FAM135B: variants seen among roughly 807,000 people sequenced by gnomAD.
The protein encoded by FAM135B is family with sequence similarity 135 member B, also known as protein FAM135B.
FAM135B carries 43 observed loss-of-function variants against 127.7 expected under a neutral mutation model. The observed-to-expected ratio is 0.34, with a 90% confidence interval of 0.26 to 0.43. The LOEUF (loss-of-function observed/expected upper bound fraction) is 0.43, where lower values mean the gene tolerates loss of function less well. Ranked by LOEUF, FAM135B falls within the 20% of genes least tolerant of loss-of-function variation. The probability of loss-of-function intolerance (pLI) is 1.00; values close to 1 mark genes in which losing one functional copy is unlikely to be tolerated. For missense variants in FAM135B, 1,558 were observed against 1,725.6 expected (o/e 0.90, Z 1.72); for synonymous variants, 670 against 665.1 (o/e 1.01, Z -0.11).
chr8:138,210,154 T>C (rs1271997973), intron 7 of FAM135B, among the ~76,000 whole-genome samples: 1 of 152,212 alleles, frequency 6.6e-6, no homozygotes, highest in Non-Finnish European at 1.5e-5. Context: ...CCTCTGGACA[T>C]TGTGACCATT....
At chr8:138,286,113 A>G (rs905012132) in intron 3 of FAM135B, among the ~76,000 whole-genome samples, 9 of 152,248 alleles carry the variant, frequency 5.9e-5, no homozygotes, top group African/African-American at 2.2e-4. Flanking sequence ...TGAATGTTAA[A>G]AAATAAATAA....
intron 1 of FAM135B, among the ~76,000 whole-genome samples, chr8:138,376,140 A>T (rs1319838839): frequency 2.6e-5 from 4 of 151,992 alleles, no homozygotes; most frequent in Non-Finnish European, 4.4e-5. Context: ...ACAGGGTTTC[A>T]CTGTGTTGGC....
intron 6 of FAM135B, among the ~76,000 whole-genome samples, chr8:138,245,896 G>A (rs1821241633): frequency 6.7e-6 from 1 of 149,988 alleles, no homozygotes; most frequent in Non-Finnish European, 1.5e-5. Flanking sequence ...CGTGTTGAAT[G>A]GTTTTAACCA....
chr8:138,456,053 C>G (rs1425885338), intron 1 of FAM135B, among the ~76,000 whole-genome samples: 1 of 152,186 alleles, frequency 6.6e-6, no homozygotes, highest in African/African-American at 2.4e-5. Context: ...AATGTAATGT[C>G]AGCACATAGT....
intron 3 of FAM135B, among the ~76,000 whole-genome samples, chr8:138,281,349 T>C (rs1189692267): frequency 6.6e-6 from 1 of 152,116 alleles, no homozygotes; most frequent in Non-Finnish European, 1.5e-5. Flanking sequence ...CTAGATACCT[T>C]GGTTGGGTGG....
chr8:138,162,117 A>G (rs1045416073), intron 12 of FAM135B, among the ~76,000 whole-genome samples: 6 of 152,208 alleles, frequency 3.9e-5, no homozygotes, highest in African/African-American at 1.4e-4. Flanking sequence ...GCAGTGGCTT[A>G]GGAGGAGGGA....
chr8:138,227,946 C>A (rs1345352312), intron 7 of FAM135B, among the ~76,000 whole-genome samples: 1 of 152,110 alleles, frequency 6.6e-6, no homozygotes, highest in African/African-American at 2.4e-5. Flanking sequence ...TGCAGTACAT[C>A]TTTAATCCTG....
chr8:138,451,366 G>T (rs980589515), intron 1 of FAM135B, among the ~76,000 whole-genome samples: 3 of 152,168 alleles, frequency 2.0e-5, no homozygotes, highest in African/African-American at 4.8e-5. Flanking sequence ...TTTTTGAAAT[G>T]GTTCTTGGAT....
At chr8:138,400,897 T>C (rs1191456173) in intron 1 of FAM135B, among the ~76,000 whole-genome samples, 2 of 152,232 alleles carry the variant, frequency 1.3e-5, no homozygotes, top group African/African-American at 4.8e-5. Flanking sequence ...TGCAATTTAT[T>C]TCCTACAGTT....
At chr8:138,477,596 C>G (rs1420740129) in intron 1 of FAM135B, 2 of 152,198 alleles carry the variant, frequency 1.3e-5, no homozygotes, top group African/African-American at 2.4e-5. Flanking sequence ...GTCACTCACA[C>G]TAGCAGGCAC....
chr8:138,294,310 T>C (rs1182200512), intron 3 of FAM135B, among the ~76,000 whole-genome samples: 4 of 152,094 alleles, frequency 2.6e-5, no homozygotes, highest in Non-Finnish European at 4.4e-5. Flanking sequence ...ACTTGGGTGA[T>C]GGGTATGCTA....
chr8:138,420,078 T>C (rs1193515695), intron 1 of FAM135B, among the ~76,000 whole-genome samples: 1 of 151,764 alleles, frequency 6.6e-6, no homozygotes, highest in Admixed American at 6.6e-5. Flanking sequence ...AAATAAGTAA[T>C]AGTGATAGAC....
At chr8:138,399,693 G>A (rs1587352601) in intron 1 of FAM135B, among the ~76,000 whole-genome samples, 1 of 152,134 alleles carries the variant, frequency 6.6e-6, no homozygotes, top group African/African-American at 2.4e-5. Context: ...TAAGCACACA[G>A]AGTCTCCAGT....
chr8:138,345,050 C>T (rs959747209), intron 2 of FAM135B, among the ~76,000 whole-genome samples: 1 of 152,200 alleles, frequency 6.6e-6, no homozygotes, highest in Non-Finnish European at 1.5e-5. Context: ...GCATCCAGCA[C>T]TGTGTCAGCA....
Position 138,296,633 on chromosome 8 carries a change from A to G in FAM135B, c.157+14208T>C, listed in dbSNP as rs376925396. On this transcript the variant is annotated intron_variant, in intron 3 of 19. Transcript: ENST00000395297. Reference sequence around the variant, plus strand: ...AATCAAGAGCTATGGAGCCTTAGATAAGGAGTTTTTTATTTTTCTGACAGC... The same window carrying G: ...AATCAAGAGCTATGGAGCCTTAGATGAGGAGTTTTTTATTTTTCTGACAGC... 3.3e-5 allele frequency among the ~76,000 whole-genome samples: 5 copies of G among 152,290 alleles called. No homozygotes were observed. The South Asian group carries it at 8.3e-4, about 25-fold the overall frequency.
Position 138,152,123 on chromosome 8 carries a change from T to G in FAM135B, c.2352A>C (p.Glu784Asp), listed in dbSNP as rs1818219454. The G allele has an allele frequency of 2.5e-6, 4 of 1,613,866 alleles. No homozygotes were observed. In the African/African-American group the frequency reaches 4.0e-5, roughly 16 times the overall value. Residue 784 changes from glutamate (E) to aspartate (D), a missense_variant, in exon 13 of 20, where the codon GAA becomes GAC. Glu to Asp is a conservative substitution (Grantham distance 45, BLOSUM62 2). Around this residue, in one of 5 missense-constraint regions of FAM135B, gnomAD observed 923 missense variants for 865.3 expected, o/e 1.07. Coordinates refer to ENST00000395297, the MANE Select transcript of FAM135B (RefSeq NM_015912.4). Reference sequence around the variant, plus strand: ...CATCTTGCTGCTTGGTGTCCGCATCTTCAGCAGCCTCCTCTGGGCTACTGA... The same window carrying G: ...CATCTTGCTGCTTGGTGTCCGCATCGTCAGCAGCCTCCTCTGGGCTACTGA... ...PHISSPEEAA[E>D]DADTKQQDGG...
At chr8:138,450,114 A>G (rs142048582) in intron 1 of FAM135B, among the ~76,000 whole-genome samples, 129 of 152,250 alleles carry the variant, frequency 8.5e-4, no homozygotes, top group Non-Finnish European at 1.6e-3. Flanking sequence ...ATGCCTTTTC[A>G]GGCTAGTATC....
chr8:138,278,846 G>A (rs1824046766), intron 3 of FAM135B, among the ~76,000 whole-genome samples: 1 of 152,000 alleles, frequency 6.6e-6, no homozygotes, highest in African/African-American at 2.4e-5. Context: ...TAATCACAGG[G>A]TTGTTGTGAG....
chr8:138,314,693 C>CAATAAATA lies in FAM135B; in HGVS notation c.78-3781_78-3774dup, dbSNP rs1402271667. Among the ~76,000 whole-genome samples the CAATAAATA allele has an allele frequency of 3.1e-3, 376 of 120,294 alleles. 2 individuals are homozygous for CAATAAATA. Among genetic ancestry groups the CAATAAATA allele is most frequent in the East Asian group, 0.011 (48 of 4,470 alleles). 78.9% of individuals were successfully genotyped at this position (120,294 alleles called of 152,430 possible). On this transcript the variant is annotated intron_variant, in intron 2 of 19. Coordinates refer to ENST00000395297, the MANE Select transcript of FAM135B (RefSeq NM_015912.4). ...GCAATATATGGAGACCCCATCCCTA[C>CAATAAATA]AATAAATAAATAAATAAATAAATAA...
Sources: gnomAD v4.1 joint callset for allele counts (sites outside exome capture counted in the v4.1 genomes callset) on GRCh38, gnomAD v4.1.1 for gene constraint, gnomAD v4.1.1 regional missense constraint, MANE v1.5 for transcripts, NCBI Gene and HGNC (gene_info 2026-07-23, HGNC 2026-07-21) for gene names.